Variants in LOC128462377 observed in about 807,000 individuals in gnomAD.
the LOC128462377 span, among the ~76,000 whole-genome samples, chr16:89,405,554 G>A: frequency 3.4e-5 from 5 of 145,172 alleles, no homozygotes; most frequent in African/African-American, 1.3e-4. Context: ...GGCTGGTCTC[G>A]AACTCCTGGG....
At chr16:89,373,662 A>G in the LOC128462377 span, among the ~76,000 whole-genome samples, 1 of 152,230 alleles carries the variant, frequency 6.6e-6, no homozygotes, top group Admixed American at 6.5e-5. Context: ...AAATGAAAAC[A>G]TCATGTAACT....
the LOC128462377 span, among the ~76,000 whole-genome samples, chr16:89,346,567 C>A: frequency 6.6e-6 from 1 of 152,178 alleles, no homozygotes; most frequent in Non-Finnish European, 1.5e-5. Flanking sequence ...AGTGACAGTG[C>A]AGTTCAGATG....
chr16:89,351,184 CAG>C, the LOC128462377 span, among the ~76,000 whole-genome samples: 4 of 152,208 alleles, frequency 2.6e-5, 1 homozygote, highest in South Asian at 8.3e-4. Context: ...TGAAGAAAAG[CAG>C]AGAGGCGGCG....
chr16:89,411,845 T>A, the LOC128462377 span, among the ~76,000 whole-genome samples: 2 of 152,176 alleles, frequency 1.3e-5, no homozygotes, highest in East Asian at 1.9e-4. Flanking sequence ...ACTTGAGGAA[T>A]CCAATGGCCA....
At chr16:89,401,093 C>A in the LOC128462377 span, among the ~76,000 whole-genome samples, 5 of 138,108 alleles carry the variant, frequency 3.6e-5, no homozygotes, top group South Asian at 2.8e-4. Context: ...CTCTCCCCCC[C>A]ACCCGCCCTC....
chr16:89,390,276 C>CTG, the LOC128462377 span, among the ~76,000 whole-genome samples: 30 of 139,590 alleles, frequency 2.1e-4, 1 homozygote, highest in Non-Finnish European at 6.2e-5. Flanking sequence ...GCGGGGAGCA[C>CTG]CGAGAGAGAA....
At chr16:89,411,558 C>T in the LOC128462377 span, among the ~76,000 whole-genome samples, 79 of 152,256 alleles carry the variant, frequency 5.2e-4, no homozygotes, top group African/African-American at 1.8e-3. Flanking sequence ...TGACGACAGG[C>T]ACACACAACC....
the LOC128462377 span, among the ~76,000 whole-genome samples, chr16:89,334,140 G>GT: frequency 1.6e-3 from 44 of 27,420 alleles, 2 homozygotes; most frequent in Admixed American, 0.017. Flanking sequence ...GAAACCCTGT[G>GT]TTTTAAAAAA....
chr16:89,408,761 G>A, the LOC128462377 span, among the ~76,000 whole-genome samples: 5 of 152,144 alleles, frequency 3.3e-5, no homozygotes, highest in Non-Finnish European at 7.3e-5. Context: ...GTGGAATCCT[G>A]AATTCAAACC....
the LOC128462377 span, among the ~76,000 whole-genome samples, chr16:89,381,081 G>C: frequency 1.3e-5 from 2 of 152,168 alleles, no homozygotes; most frequent in Non-Finnish European, 2.9e-5. Context: ...CCAGCACTTT[G>C]GGAGGCCGAG....
At chr16:89,405,397 C>G in the LOC128462377 span, among the ~76,000 whole-genome samples, 2 of 151,926 alleles carry the variant, frequency 1.3e-5, no homozygotes, top group South Asian at 4.1e-4. Context: ...GATATGAGCT[C>G]ACCGTAGCCT....
chr16:89,410,440 A>C, the LOC128462377 span, among the ~76,000 whole-genome samples: 1 of 152,224 alleles, frequency 6.6e-6, no homozygotes, highest in East Asian at 1.9e-4. Flanking sequence ...GTTGGGAGTG[A>C]TGGTCTTAGC....
chr16:89,383,684 G>A, the LOC128462377 span, among the ~76,000 whole-genome samples: 9 of 151,418 alleles, frequency 5.9e-5, no homozygotes, highest in African/African-American at 2.2e-4. Context: ...CAACGCAGCA[G>A]ACGTCCAGCC....
the LOC128462377 span, chr16:89,324,418 C>A: frequency 2.0e-6 from 1 of 488,490 alleles, no homozygotes; most frequent in Non-Finnish European, 3.9e-6. Context: ...CAAGAAAATG[C>A]AAACTAAAAC....
chr16:89,321,988 C>A, the LOC128462377 span, among the ~76,000 whole-genome samples: 17 of 152,184 alleles, frequency 1.1e-4, no homozygotes, highest in Non-Finnish European at 2.4e-4. Flanking sequence ...AGTATTTTCA[C>A]GTCTCTAGTT....
chr16:89,323,407 G>C, the LOC128462377 span: 1 of 1,194,148 alleles, frequency 8.4e-7, no homozygotes, highest in Non-Finnish European at 1.1e-6. Flanking sequence ...AGCAGCCCAG[G>C]GCAGGGGGGC....
chr16:89,346,268 AAAG>A, the LOC128462377 span, among the ~76,000 whole-genome samples: 3 of 151,552 alleles, frequency 2.0e-5, no homozygotes, highest in Admixed American at 6.6e-5. Context: ...AAAAAAAAAA[AAAG>A]AATCAACACA....
At chr16:89,360,538 A>G in the LOC128462377 span, 3 of 152,252 alleles carry the variant, frequency 2.0e-5, no homozygotes, top group African/African-American at 7.2e-5. Flanking sequence ...GCATTAGCCA[A>G]TGTCAGTGGT....
At chr16:89,392,707 T>C in the LOC128462377 span, 1 of 149,010 alleles carries the variant, frequency 6.7e-6, no homozygotes, top group Non-Finnish European at 1.5e-5. Context: ...ATCAACATGG[T>C]TGAGTTCACA....
Sources: allele counts gnomAD v4.1 joint callset (sites outside exome capture counted in the v4.1 genomes callset), GRCh38; gene constraint gnomAD v4.1.1; transcripts MANE v1.5.